Variants in NEK4 observed in about 807,000 individuals in gnomAD.
NEK4 encodes serine/threonine-protein kinase Nek4.
NEK4 carries 86 observed loss-of-function variants against 98.4 expected under a neutral mutation model. The observed-to-expected ratio is 0.87, with a 90% confidence interval of 0.73 to 1.05. The LOEUF is 1.05. NEK4 is among the 50% of genes least tolerant of loss of function. NEK4 has a pLI of 0.00. For synonymous variants in NEK4, 328 were observed against 342.2 expected (o/e 0.96, Z 0.46); for missense variants, 898 against 950.3 (o/e 0.94, Z 0.72).
At chr3:52,728,864 TTGAGA>T (rs1396704412) in intron 15 of NEK4, among the ~76,000 whole-genome samples, 1 of 152,140 alleles carries the variant, frequency 6.6e-6, no homozygotes, top group Non-Finnish European at 1.5e-5. Flanking sequence ...TCTTATGTGG[TTGAGA>T]TAAGGACTGA....
rs55920540 is a variant in NEK4, at chr3:52,752,328, G to A, written c.972C>T (p.Gly324=). The change falls in exon 7 of 16, where the codon GGC becomes GGT. Residue 324 remains glycine (G), a synonymous_variant. Transcript: ENST00000233027. ...TGGGTTTCTCCTGGGACAAACATTT[G>A]CCTTCACCCTGAATGAAAAGATGTT... The part of the protein sequence containing the change: ...EGSQTYIMGE[G]KCLSQEKPRA... 6.5e-4 allele frequency: 1,043 copies of A among 1,609,754 alleles called. 3 individuals are homozygous for A. Among genetic ancestry groups the A allele is most frequent in the Non-Finnish European group, 7.9e-4 (933 of 1,177,596 alleles).
chr3:52,762,130 T>C (rs556821842), intron 5 of NEK4, among the ~76,000 whole-genome samples: 2 of 152,322 alleles, frequency 1.3e-5, no homozygotes, highest in South Asian at 4.1e-4. Flanking sequence ...AAACAGATTG[T>C]AATAGTTTTG....
At position 52,709,796 on chromosome 3, in the gene NEK4, C is replaced by CTGA. The variant is rs1350117074; in HGVS notation, c.*1978_*1980dup. The CTGA allele has an allele frequency of 2.0e-5, 3 of 147,022 alleles. No homozygotes were observed. Among genetic ancestry groups the CTGA allele is most frequent in the Non-Finnish European group, 4.5e-5 (3 of 66,894 alleles). 9.1% of individuals were successfully genotyped at this position (147,022 alleles called of 1,614,324 possible). Reference sequence around the variant, plus strand: ...AATACATTAGAAAAATTAAGTAAAACTGATGACTCTCCAGAACGATGTGGA... The same window carrying CTGA: ...AATACATTAGAAAAATTAAGTAAAACTGATGATGACTCTCCAGAACGATGTGGA... On this transcript the variant is annotated 3_prime_UTR_variant, in exon 16 of 16. Transcript: ENST00000233027.
intron 8 of NEK4, among the ~76,000 whole-genome samples, chr3:52,749,463 A>G (rs1489227959): frequency 6.6e-6 from 1 of 151,992 alleles, no homozygotes; most frequent in African/African-American, 2.4e-5. Context: ...GCTGTATCTA[A>G]TAAGTAACTG....
In NEK4 at chr3:52,751,959, T is replaced by G; in HGVS notation, c.1341A>C (p.Leu447=). The part of the protein sequence containing the change: ...KNEPVKPLQP[L]IKEQKPKDQS... ...GGTCCTTTGGCTTTTGTTCTTTGAT[T>G]AGGGGCTGCAGAGGCTTCACTGGTT... The change falls in exon 7 of 16, where the codon CTA becomes CTC. Residue 447 remains leucine, a synonymous_variant. Coordinates refer to ENST00000233027, the MANE Select transcript of NEK4 (RefSeq NM_003157.6). 6.2e-7 allele frequency: 1 copy of G among 1,613,862 alleles called. No individual in the cohort carries two copies. The highest frequency in any genetic ancestry group is 8.5e-7 in the Non-Finnish European group (1 of 1,179,998).
chr3:52,752,464 T>A, intron 6 of NEK4, 128 bp from the exon 7 acceptor site: 1 of 815,022 alleles, frequency 1.2e-6, no homozygotes, highest in Non-Finnish European at 1.9e-6. Context: ...GCAATTCCAC[T>A]CCTAAGTATG....
chr3:52,737,545 C>A, intron 15 of NEK4, 41 bp downstream of exon 15: 1 of 1,604,706 alleles, frequency 6.2e-7, no homozygotes, highest in Non-Finnish European at 8.5e-7. Flanking sequence ...TTAAAAAATT[C>A]TATAACATAA....
chr3:52,748,224 C>A (rs1311043152), intron 8 of NEK4, among the ~76,000 whole-genome samples: 3 of 151,822 alleles, frequency 2.0e-5, no homozygotes, highest in African/African-American at 7.3e-5. Flanking sequence ...GCCTCGGCCT[C>A]CCAAAGTGCT....
chr3:52,763,427 C>T (rs765501795), intron 5 of NEK4, 43 bp downstream of exon 5: 2 of 1,562,334 alleles, frequency 1.3e-6, no homozygotes, highest in South Asian at 2.4e-5. Context: ...CCCTCTTTCA[C>T]CCCATCTATT....
intron 14 of NEK4, among the ~76,000 whole-genome samples, 200 bp from the exon 15 acceptor site, chr3:52,737,919 T>C (rs1338479570): frequency 2.0e-5 from 3 of 152,126 alleles, no homozygotes; most frequent in Non-Finnish European, 4.4e-5. Flanking sequence ...GTTCATGCCA[T>C]TCTCCTGCCT....
At position 52,739,573 on chromosome 3, in the gene NEK4, CCA is replaced by C; in HGVS notation, c.2153_2154del (p.Leu718ArgfsTer3). 6.2e-7 allele frequency: 1 copy of C among 1,614,102 alleles called. No individual in the cohort carries two copies. Among genetic ancestry groups the C allele is most frequent in the Non-Finnish European group, 8.5e-7 (1 of 1,180,002 alleles). ...LVQLMTQTLK[L>X]DSKESCEDVP... ...ACATCTTCACAGCTCTCTTTAGAAT[CCA>C]GTTTCAGGGTCTGAGTCATCAATTG... On this transcript the variant is annotated frameshift_variant, in exon 14 of 16. Transcript: ENST00000233027. LOFTEE classifies it high-confidence loss of function.
Position 52,768,435 on chromosome 3 carries a change from C to G in NEK4, c.263G>C (p.Gly88Ala). 3.7e-6 allele frequency: 6 copies of G among 1,614,180 alleles called. No homozygotes were observed. The highest frequency in any genetic ancestry group is 5.1e-6 in the Non-Finnish European group (6 of 1,180,034). The stretch of plus-strand genomic sequence containing the variant: ...CTTGAGCTTTCGGTACAAATCACCT[C>G]CTTCACAGAAGCCCATGACAATGTA... ...LLYIVMGFCE[G>A]GDLYRKLKEQ... The change falls in exon 2 of 16, where the codon GGA (glycine) becomes GCA (alanine). Residue 88 changes from glycine to alanine, a missense_variant. Gly to Ala is a moderately conservative substitution (Grantham distance 60). Transcript: ENST00000233027.
At chr3:52,737,807 TA>T in intron 14 of NEK4, 88 bp from the exon 15 acceptor site, 1 of 937,044 alleles carries the variant, frequency 1.1e-6, no homozygotes, top group Non-Finnish European at 1.5e-6. Flanking sequence ...TTTTGTATTT[TA>T]TTTTATTTAT....
intron 15 of NEK4, among the ~76,000 whole-genome samples, chr3:52,714,830 G>A (rs1048963460): frequency 6.6e-6 from 1 of 152,246 alleles, no homozygotes; most frequent in Non-Finnish European, 1.5e-5. Context: ...TCAGAGCGGG[G>A]TAAGCCCAGG....
At chr3:52,733,792 G>C in intron 15 of NEK4, 1 of 424,692 alleles carries the variant, frequency 2.4e-6, no homozygotes, top group South Asian at 1.8e-5. Flanking sequence ...GTGGCAAGGT[G>C]AATCAAAATT....
chr3:52,759,625 T>A (rs1425504811), intron 6 of NEK4, among the ~76,000 whole-genome samples: 1 of 152,162 alleles, frequency 6.6e-6, no homozygotes, highest in Non-Finnish European at 1.5e-5. Flanking sequence ...TGTGCACTGC[T>A]GATGGGAATG....
chr3:52,719,582 C>CA lies in NEK4; in HGVS notation c.2434-7714dup, dbSNP rs34086430. Reference sequence around the variant, plus strand: ...TGGGTGACAGAGTGAGACTCTGTCTCAAAAAAAAAGAAAAAAAAAAAAAAA... The same window carrying CA: ...TGGGTGACAGAGTGAGACTCTGTCTCAAAAAAAAAAGAAAAAAAAAAAAAAA... On this transcript the variant is annotated intron_variant, in intron 15 of 15. Coordinates refer to ENST00000233027, the MANE Select transcript of NEK4 (RefSeq NM_003157.6). 2.2e-4 allele frequency among the ~76,000 whole-genome samples: 13 copies of CA among 59,288 alleles called. 1 individual carries two copies. Among genetic ancestry groups the CA allele is most frequent in the African/African-American group, 8.0e-4 (12 of 15,080 alleles). 38.9% of individuals were successfully genotyped at this position (59,288 alleles called of 152,430 possible). A position where few individuals can be genotyped will look rare whatever the true frequency, so the allele number is the denominator to read the frequency against.
chr3:52,741,791 GT>G (rs1186494112), intron 12 of NEK4, among the ~76,000 whole-genome samples: 1 of 151,528 alleles, frequency 6.6e-6, no homozygotes, highest in East Asian at 1.9e-4. Context: ...TGATTTTTGT[GT>G]TTTTTTGAGA....
chr3:52,754,604 C>G, intron 6 of NEK4: 1 of 999,648 alleles, frequency 1.0e-6, no homozygotes, highest in Non-Finnish European at 1.6e-6. Context: ...TGAAGAACAG[C>G]ACAATAAGTG....
Sources: allele counts gnomAD v4.1 joint callset (sites outside exome capture counted in the v4.1 genomes callset), GRCh38; gene constraint gnomAD v4.1.1; transcripts MANE v1.5; gene names NCBI Gene and HGNC (gene_info 2026-07-23, HGNC 2026-07-21).